PGAP6: variants seen among roughly 807,000 people sequenced by gnomAD.
PGAP6 encodes post-GPI attachment to proteins 6.
Under a neutral mutation model 68.4 loss-of-function variants are expected in PGAP6, and 62 were observed. The ratio of observed to expected loss-of-function variants is 0.91; its 90% CI spans 0.74 to 1.12. PGAP6 has a LOEUF of 1.12. Ranked by LOEUF, PGAP6 falls within the 50% of genes most tolerant of loss-of-function variation. PGAP6 has a pLI of 0.00. For synonymous variants in PGAP6, 575 were observed against 474.0 expected (o/e 1.21, Z -2.77); for missense variants, 1,188 against 1,068.5 (o/e 1.11, Z -1.56).
intron 6 of PGAP6, among the ~76,000 whole-genome samples, chr16:375,785 C>T (rs11248930): frequency 0.48 from 73,114 of 151,950 alleles, 17,932 homozygotes; most frequent in South Asian, 0.67. Context: ...CCTCCTCGGC[C>T]TCCCAAAGTG....
At chr16:375,044 T>C in intron 8 of PGAP6, 89 bp downstream of exon 8, 2 of 1,581,764 alleles carry the variant, frequency 1.3e-6, no homozygotes, top group South Asian at 1.2e-5. Context: ...GCTGGGTCAC[T>C]CCGAACGCCA....
rs1192596316 is a variant in PGAP6 at position 371,725 on chromosome 16, G to C, written c.*262C>G. On this transcript the variant is annotated 3_prime_UTR_variant, in exon 13 of 13. Coordinates refer to ENST00000431232, the MANE Select transcript of PGAP6 (RefSeq NM_021259.3). ...TCGCACAGGCACCTGTGGTCTCCAAGTAACCAAGCCCAGGCCCCAGGGGCC... is the reference window on the plus strand; with the variant it reads ...TCGCACAGGCACCTGTGGTCTCCAACTAACCAAGCCCAGGCCCCAGGGGCC... The C allele has an allele frequency of 6.2e-6, 3 of 487,658 alleles. No homozygotes were observed. Among genetic ancestry groups the C allele is most frequent in the Non-Finnish European group, 1.1e-5 (3 of 267,606 alleles). The allele number at this position is 487,658 out of a possible 1,614,324, so 30.2% of individuals were successfully genotyped here.
upstream of PGAP6, chr16:382,025 C>CGGGGTCG (rs1396054225): frequency 1.3e-6 from 1 of 787,276 alleles, no homozygotes; most frequent in African/African-American, 2.1e-5. Flanking sequence ...AAGGCGAGGG[C>CGGGGTCG]GGGGTCGGGG....
intron 1 of PGAP6, among the ~76,000 whole-genome samples, chr16:379,148 G>A (rs564161543): frequency 6.6e-6 from 1 of 152,174 alleles, no homozygotes; most frequent in South Asian, 2.1e-4. Flanking sequence ...CACAGCAGGG[G>A]GCGGGACCCT....
chr16:378,205 CTGACTGCCAT>C, intron 1 of PGAP6, among the ~76,000 whole-genome samples: 1 of 142,722 alleles, frequency 7.0e-6, no homozygotes, highest in African/African-American at 2.7e-5. Flanking sequence ...CATCGCCACC[CTGACTGCCAT>C]CGCCACCCTG....
chr16:374,906 G>A lies in PGAP6; in HGVS notation c.1440-14C>T, dbSNP rs200409665. On this transcript the variant is annotated splice_polypyrimidine_tract_variant and intron_variant, in intron 8 of 12. Coordinates refer to ENST00000431232, the MANE Select transcript of PGAP6 (RefSeq NM_021259.3). ...TGCTCACAGTCCCTTTGAGGAAGGG[G>A]CCACAGGAAAGCTGGTGCAGTGATC... 5.0e-5 allele frequency: 80 copies of A among 1,612,390 alleles called. No homozygotes were observed. The highest frequency in any genetic ancestry group is 6.4e-5 in the Non-Finnish European group (76 of 1,179,810).
chr16:373,877 G>T (rs552007297), intron 11 of PGAP6, 128 bp downstream of exon 11: 1 of 1,210,400 alleles, frequency 8.3e-7, no homozygotes. Flanking sequence ...ATGCTCGGCC[G>T]AGATGTGAGG....
chr16:376,734 G>T lies in PGAP6; in HGVS notation c.714C>A (p.Pro238=). ...DCVSNGSLGC[P]VRLTVGPVTL... Reference sequence around the variant, plus strand: ...TGACCGGGCCCACGGTGAGACGCACGGGGCAGCCCAGGCTCCCATTGGACA... The same window carrying T: ...TGACCGGGCCCACGGTGAGACGCACTGGGCAGCCCAGGCTCCCATTGGACA... Residue 238 remains proline, a synonymous_variant, in exon 5 of 13, where the codon CCC becomes CCA. Transcript: ENST00000431232. 6.2e-7 allele frequency: 1 copy of T among 1,611,572 alleles called. No individual in the cohort carries two copies.
chr16:377,543 G>A lies in PGAP6; in HGVS notation c.342C>T (p.Gly114=). ...CCGCGGTGTCGTCCGGGAAGCTGGT[G>A]CCCAGCGGGTTGATGACCGGAGGGG... is the stretch of plus-strand genomic sequence containing the variant. ...SGAPPVINPL[G]TSFPDDTAVQ... Residue 114 remains glycine, a synonymous_variant, in exon 3 of 13, where the codon GGC becomes GGT. Coordinates refer to ENST00000431232, the MANE Select transcript of PGAP6 (RefSeq NM_021259.3). 1 of 1,589,796 alleles carries A rather than the reference G, an allele frequency of 6.3e-7. No individual in the cohort carries two copies. The highest frequency in any genetic ancestry group is 8.6e-7 in the Non-Finnish European group (1 of 1,168,678).
Position 381,756 on chromosome 16 carries a change from CA to C in PGAP6, c.65del (p.Leu22ArgfsTer112). The C allele has an allele frequency of 8.3e-7, 1 of 1,207,690 alleles. No homozygotes were observed. Among genetic ancestry groups the C allele is most frequent in the Non-Finnish European group, 1.0e-6 (1 of 970,906 alleles). The allele number at this position is 1,207,690 out of a possible 1,614,324, so 74.8% of individuals were successfully genotyped here. On this transcript the variant is annotated frameshift_variant, in exon 1 of 13. Transcript: ENST00000431232. LOFTEE classifies it high-confidence loss of function. ...GCGGGGGCCGGGCAAGCAGCAGCAGCAGCAGCGGCCCCGCCACCACCGCGGC... is the reference window on the plus strand; with the variant it reads ...GCGGGGGCCGGGCAAGCAGCAGCAGCGCAGCGGCCCCGCCACCACCGCGGC... ...AVAAVVAGPL[L>X]LLLLARPPPA...
At position 374,166 on chromosome 16, in the gene PGAP6, C is replaced by A. The variant is rs1432261694; in HGVS notation, c.1756-15G>T. 1.9e-6 allele frequency: 3 copies of A among 1,610,628 alleles called. No individual in the cohort carries two copies. Among genetic ancestry groups the A allele is most frequent in the Admixed American group, 3.3e-5 (2 of 60,010 alleles). On this transcript the variant is annotated splice_polypyrimidine_tract_variant and intron_variant, in intron 10 of 12. Transcript: ENST00000431232. ...GCGTGGTAGAACTGTGGGGAGGCTC[C>A]ATGAGCGCGGTCCTGCCCTCCCACC... is the stretch of plus-strand genomic sequence containing the variant.
intron 1 of PGAP6, among the ~76,000 whole-genome samples, chr16:381,319 G>C (rs2054435649): frequency 6.6e-6 from 1 of 152,210 alleles, no homozygotes; most frequent in Non-Finnish European, 1.5e-5. Context: ...TCTCAGGCCG[G>C]ACCCGGCCGG....
At chr16:382,109 G>C, upstream of PGAP6, 1 of 366,938 alleles carries the variant, frequency 2.7e-6, no homozygotes, top group African/African-American at 2.3e-5. Context: ...GGGGTCACGT[G>C]GGGCGCGCGG....
Position 381,711 on chromosome 16 carries a change from G to A in PGAP6, c.111C>T (p.Ser37=). The A allele has an allele frequency of 8.3e-7, 1 of 1,208,016 alleles. No individual in the cohort carries two copies. Among genetic ancestry groups the A allele is most frequent in the Non-Finnish European group, 1.0e-6 (1 of 972,242 alleles). The allele number at this position is 1,208,016 out of a possible 1,614,324, so 74.8% of individuals were successfully genotyped here. Residue 37 remains serine (S), a synonymous_variant, in exon 1 of 13, where the codon AGC becomes AGT. Transcript: ENST00000431232. Reference sequence around the variant, plus strand: ...GCGCCTCCCGCTCACCGCTCTTCCCGCTGTAGCCGGCGGAGGCAGGCGGGG... The same window carrying A: ...GCGCCTCCCGCTCACCGCTCTTCCCACTGTAGCCGGCGGAGGCAGGCGGGG... ...ARPPPASAGY[S]GKSEVGLVSE...
Position 371,453 on chromosome 16 carries a change from G to C in PGAP6, c.*534C>G, listed in dbSNP as rs534934117. ...CCCATCAGCTCTGGGGGAAACCTCC[G>C]TCTCCCGTCCCTATGGTGACCACAG... is the stretch of plus-strand genomic sequence containing the variant. On this transcript the variant is annotated 3_prime_UTR_variant, in exon 13 of 13. Coordinates refer to ENST00000431232, the MANE Select transcript of PGAP6 (RefSeq NM_021259.3). 1 of 155,148 alleles carries C rather than the reference G, an allele frequency of 6.4e-6. No individual in the cohort carries two copies. The highest frequency in any genetic ancestry group is 6.4e-5 in the Admixed American group (1 of 15,714). 9.6% of individuals were successfully genotyped at this position (155,148 alleles called of 1,614,324 possible).
Position 377,128 on chromosome 16 carries a change from C to T in PGAP6, c.544G>A (p.Glu182Lys), listed in dbSNP as rs1164381763. 1.2e-6 allele frequency: 2 copies of T among 1,613,548 alleles called. No individual in the cohort carries two copies. Among genetic ancestry groups the T allele is most frequent in the Admixed American group, 1.7e-5 (1 of 60,010 alleles). ...TCGACCACCCGCGTGACCAGCAGTT[C>T]AGGCTGGAAGACGTAGGCACAGGTG... ...APTCAYVFQPELLVTRVVEIS... is the reference protein window; with the variant it reads ...APTCAYVFQPKLLVTRVVEIS... Residue 182 changes from glutamate (E) to lysine (K), a missense_variant, in exon 4 of 13, where the codon GAA (glutamate) becomes AAA (lysine). Glu to Lys is a moderately conservative substitution (Grantham distance 56, BLOSUM62 1). Coordinates refer to ENST00000431232, the MANE Select transcript of PGAP6 (RefSeq NM_021259.3).
rs144449037 is a variant in PGAP6, at chr16:376,734, G to A, written c.714C>T (p.Pro238=). The A allele has an allele frequency of 6.4e-5, 103 of 1,611,574 alleles. No individual in the cohort carries two copies. The East Asian group carries it at 1.2e-3, about 20-fold the overall frequency. The part of the protein sequence containing the change: ...DCVSNGSLGC[P]VRLTVGPVTL... ...TGACCGGGCCCACGGTGAGACGCACGGGGCAGCCCAGGCTCCCATTGGACA... is the reference window on the plus strand; with the variant it reads ...TGACCGGGCCCACGGTGAGACGCACAGGGCAGCCCAGGCTCCCATTGGACA... The change falls in exon 5 of 13, where the codon CCC becomes CCT. Residue 238 remains proline, a synonymous_variant. Coordinates refer to ENST00000431232, the MANE Select transcript of PGAP6 (RefSeq NM_021259.3).
intron 6 of PGAP6, among the ~76,000 whole-genome samples, chr16:375,830 G>A (rs1425274250): frequency 2.0e-5 from 3 of 152,150 alleles, no homozygotes; most frequent in Non-Finnish European, 2.9e-5. Flanking sequence ...GCGCCCGGCC[G>A]GTGCTGGTGC....
chr16:375,499 C>T, intron 6 of PGAP6, 64 bp from the exon 7 acceptor site: 2 of 1,416,630 alleles, frequency 1.4e-6, no homozygotes, highest in South Asian at 2.3e-5. Context: ...GTCATCTGCC[C>T]CACGTGCCAG....
Sources: gnomAD v4.1 joint callset for allele counts (sites outside exome capture counted in the v4.1 genomes callset) on GRCh38, gnomAD v4.1.1 for gene constraint, MANE v1.5 for transcripts, NCBI Gene and HGNC (gene_info 2026-07-23, HGNC 2026-07-21) for gene names.